The following DNMT3A variants were observed in gnomAD, a reference collection of about 807,000 sequenced individuals.
The protein encoded by DNMT3A is DNA (cytosine-5)-methyltransferase 3A.
In DNMT3A, 267 loss-of-function variants were observed where a neutral mutation model predicts 117.6. The observed-to-expected ratio is 2.27, with a 90% CI of 2.05 to 2.51. The LOEUF is 2.51. Ranked by LOEUF, DNMT3A falls within the 30% of genes most tolerant of loss-of-function variation. The probability of loss-of-function intolerance (pLI) is 0.00; values close to 1 mark genes in which losing one functional copy is unlikely to be tolerated. For missense variants in DNMT3A, 1,029 were observed against 1,260.2 expected (o/e 0.82, Z 2.78); for synonymous variants, 432 against 474.8 (o/e 0.91, Z 1.17).
chr2:25,270,128 G>A (rs149059372), intron 6 of DNMT3A, among the ~76,000 whole-genome samples: 12 of 152,272 alleles, frequency 7.9e-5, no homozygotes, highest in Admixed American at 3.3e-4. Flanking sequence ...GCCCACACCC[G>A]CTGTGCACCA....
rs1468391980 is a variant in DNMT3A, at chr2:25,257,841, A to G, written c.640-9589T>C. Among the ~76,000 whole-genome samples, 1 of 152,206 alleles carries G rather than the reference A, an allele frequency of 6.6e-6. No individual in the cohort carries two copies. ...ATTCTAATACTAGCCAGGTGTGGAA[A>G]CACGGAGACCCTGGCTGTGTCTGTT... On this transcript the variant is annotated intron_variant, in intron 6 of 22. Transcript: ENST00000321117. This position sits in a 1 kb window ranked among gnomAD's most constrained non-coding sequence, Gnocchi z 4.8.
intron 1 of DNMT3A, among the ~76,000 whole-genome samples, chr2:25,318,951 G>A (rs1368758104): frequency 4.0e-5 from 6 of 149,584 alleles, no homozygotes; most frequent in Non-Finnish European, 5.9e-5. Flanking sequence ...TGCCTGCCTC[G>A]GCCTCCCAAA....
At chr2:25,303,835 A>T (rs2033646935) in intron 2 of DNMT3A, among the ~76,000 whole-genome samples, 1 of 152,256 alleles carries the variant, frequency 6.6e-6, no homozygotes, top group South Asian at 2.1e-4. Context: ...CACGCCAAGA[A>T]GGGTGAGCAG....
intron 1 of DNMT3A, among the ~76,000 whole-genome samples, chr2:25,336,410 C>T (rs1234681060): frequency 6.6e-6 from 1 of 152,162 alleles, no homozygotes; most frequent in African/African-American, 2.4e-5. Flanking sequence ...AGGGACCCTT[C>T]TCCACCTGCC....
Position 25,274,092 on chromosome 2 carries a change from C to T in DNMT3A, c.639+849G>A, listed in dbSNP as rs1047801879. ...GACTCCAGGCACCTGGCATCTCACACGGAGCCCTCAATTCCCACCTGTCCC... is the reference window on the plus strand; with the variant it reads ...GACTCCAGGCACCTGGCATCTCACATGGAGCCCTCAATTCCCACCTGTCCC... On this transcript the variant is annotated intron_variant, in intron 6 of 22. Transcript: ENST00000321117. Among the ~76,000 whole-genome samples, 9 of 152,214 alleles carry T rather than the reference C, an allele frequency of 5.9e-5. 1 individual carries two copies. In the East Asian group the frequency reaches 1.5e-3, roughly 26 times the overall value.
chr2:25,330,619 G>T (rs2034981979), intron 1 of DNMT3A, among the ~76,000 whole-genome samples: 1 of 152,216 alleles, frequency 6.6e-6, no homozygotes, highest in Non-Finnish European at 1.5e-5. Context: ...CCCATGTCCA[G>T]GCCAAGTCCT....
At chr2:25,307,455 G>A (rs530746687) in intron 2 of DNMT3A, among the ~76,000 whole-genome samples, 79 of 134,190 alleles carry the variant, frequency 5.9e-4, no homozygotes, top group Non-Finnish European at 7.1e-4. Flanking sequence ...ACCACACACC[G>A]CAGCTTTTTT....
chr2:25,269,664 A>C (rs2030690936), intron 6 of DNMT3A, among the ~76,000 whole-genome samples: 1 of 152,156 alleles, frequency 6.6e-6, no homozygotes, highest in African/African-American at 2.4e-5. Flanking sequence ...GTTCTATGGC[A>C]GGGTGTGATC....
chr2:25,333,254 G>A (rs539485184), intron 1 of DNMT3A, among the ~76,000 whole-genome samples: 1 of 152,012 alleles, frequency 6.6e-6, no homozygotes, highest in African/African-American at 2.4e-5. Flanking sequence ...ATGGGCTTGG[G>A]GGTCATTCTC....
rs891751964 is a variant in DNMT3A at position 25,252,454 on chromosome 2, G to A, written c.640-4202C>T. On this transcript the variant is annotated intron_variant, in intron 6 of 22. Transcript: ENST00000321117. This position sits in a 1 kb window ranked among gnomAD's most constrained non-coding sequence, Gnocchi z 5.5. ...GGGAGGGGGCCGGCGCTCCGACGCTGGCGCTGGGCCAGCCCCTCTTCTCCG... is the reference window on the plus strand; with the variant it reads ...GGGAGGGGGCCGGCGCTCCGACGCTAGCGCTGGGCCAGCCCCTCTTCTCCG... 3 of 410,854 alleles carry A rather than the reference G, an allele frequency of 7.3e-6. No homozygotes were observed. The highest frequency in any genetic ancestry group is 1.3e-5 in the Non-Finnish European group (3 of 231,212). 25.5% of individuals were successfully genotyped at this position (410,854 alleles called of 1,614,324 possible). A position where few individuals can be genotyped will look rare whatever the true frequency, so the allele number is the denominator to read the frequency against.
Position 25,240,639 on chromosome 2 carries a change from C to A in DNMT3A, c.2173+1G>T. The A allele has an allele frequency of 1.2e-6, 2 of 1,614,084 alleles. No homozygotes were observed. The highest frequency in any genetic ancestry group is 1.7e-6 in the Non-Finnish European group (2 of 1,179,926). ...GGTGGAGGGGACAGGATGGTACCTA[C>A]CGTAGAGGCCCTTGCGAGCAGGGTT... On this transcript the variant is annotated splice_donor_variant, in intron 18 of 22. Transcript: ENST00000321117. LOFTEE classifies it high-confidence loss of function.
Position 25,246,687 on chromosome 2 carries a change from C to T in DNMT3A, c.1212G>A (p.Lys404=), listed in dbSNP as rs1343344155. 1 of 1,613,646 alleles carries T rather than the reference C, an allele frequency of 6.2e-7. No homozygotes were observed. The highest frequency in any genetic ancestry group is 1.3e-5 in the African/African-American group (1 of 74,934). ...CCCCCAGGGCCCATTCAATCATGGGCTTGTTCTGCACCTCCACGGCCTTGG... is the reference window on the plus strand; with the variant it reads ...CCCCCAGGGCCCATTCAATCATGGGTTTGTTCTGCACCTCCACGGCCTTGG... ...DTAKAVEVQN[K]PMIEWALGGF... is the part of the protein sequence containing the mutation. The change falls in exon 10 of 23, where the codon AAG becomes AAA. Residue 404 remains lysine (K), a synonymous_variant. Coordinates refer to ENST00000321117, the MANE Select transcript of DNMT3A (RefSeq NM_022552.5).
Position 25,245,996 on chromosome 2 carries a change from A to G in DNMT3A, c.1474+24T>C, listed in dbSNP as rs369607800. The G allele has an allele frequency of 3.1e-6, 5 of 1,613,686 alleles. No homozygotes were observed. The African/African-American group carries it at 5.3e-5, about 17-fold the overall frequency. On this transcript the variant is annotated intron_variant, in intron 12 of 22. Coordinates refer to ENST00000321117, the MANE Select transcript of DNMT3A (RefSeq NM_022552.5). ...TGCCCCATGCCACACTAGGAGTGCC[A>G]GAGTTCCCAGGCAACAAACTTACCC...
Position 25,339,086 on chromosome 2 carries a change from C to T in DNMT3A, c.-178+2740G>A, listed in dbSNP as rs1416329988. ...CCTCTCCTTCCCAAGGCCCAACTCGCTGGGCGCCCTGATCTCTCTCATATC... is the reference window on the plus strand; with the variant it reads ...CCTCTCCTTCCCAAGGCCCAACTCGTTGGGCGCCCTGATCTCTCTCATATC... On this transcript the variant is annotated intron_variant, in intron 1 of 22. Coordinates refer to ENST00000321117, the MANE Select transcript of DNMT3A (RefSeq NM_022552.5). The surrounding 1 kb of genome is among the most constrained non-coding windows in gnomAD (Gnocchi z 4.9). Among the ~76,000 whole-genome samples, 1 of 152,042 alleles carries T rather than the reference C, an allele frequency of 6.6e-6. No individual in the cohort carries two copies. Among genetic ancestry groups the T allele is most frequent in the Non-Finnish European group, 1.5e-5 (1 of 68,006 alleles).
chr2:25,341,390 G>A (rs2035442304), intron 1 of DNMT3A, among the ~76,000 whole-genome samples: 1 of 145,596 alleles, frequency 6.9e-6, no homozygotes, highest in Non-Finnish European at 1.5e-5. Flanking sequence ...TCCAGGCGGG[G>A]CCGCGGGGCT....
chr2:25,267,290 C>T (rs1421150071), intron 6 of DNMT3A, among the ~76,000 whole-genome samples: 1 of 152,208 alleles, frequency 6.6e-6, no homozygotes, highest in Non-Finnish European at 1.5e-5. Flanking sequence ...ATTAAATTTT[C>T]AGGCCAGGTG....
intron 16 of DNMT3A, among the ~76,000 whole-genome samples, chr2:25,243,664 AG>A (rs1674344141): frequency 6.6e-6 from 1 of 152,238 alleles, no homozygotes; most frequent in Admixed American, 6.5e-5. Context: ...TTCCTTACTA[AG>A]GAAGCGCCCA....
chr2:25,300,487 A>T (rs2033367508), intron 2 of DNMT3A, among the ~76,000 whole-genome samples: 1 of 149,758 alleles, frequency 6.7e-6, no homozygotes, highest in African/African-American at 2.5e-5. Context: ...CATGCCTGTA[A>T]TCCCAGCACT....
At chr2:25,297,710 A>G (rs1435690068) in intron 3 of DNMT3A, among the ~76,000 whole-genome samples, 1 of 152,058 alleles carries the variant, frequency 6.6e-6, no homozygotes, top group Non-Finnish European at 1.5e-5. Flanking sequence ...AGGTTTCACC[A>G]TGTTGGCCAG....
Sources: gnomAD v4.1 joint callset for allele counts (sites outside exome capture counted in the v4.1 genomes callset) on GRCh38, gnomAD v4.1.1 for gene constraint, Gnocchi (gnomAD v3.1) non-coding constraint, MANE v1.5 for transcripts, NCBI Gene and HGNC (gene_info 2026-07-23, HGNC 2026-07-21) for gene names.